The following PDE7B variants were observed in gnomAD, a reference collection of about 807,000 sequenced individuals.
PDE7B encodes the protein 3',5'-cyclic-AMP phosphodiesterase 7B.
In PDE7B, 29 loss-of-function variants were observed where a neutral mutation model predicts 56.2. The ratio of observed to expected loss-of-function variants is 0.52; its 90% CI spans 0.38 to 0.70. The LOEUF (loss-of-function observed/expected upper bound fraction) is 0.70, where lower values mean the gene tolerates loss of function less well. Ranked by LOEUF, PDE7B falls within the 30% of genes least tolerant of loss-of-function variation. The pLI, the probability that PDE7B is intolerant of heterozygous loss-of-function variation, is 0.00. For missense variants in PDE7B, 490 were observed against 565.0 expected (o/e 0.87, Z 1.35); for synonymous variants, 197 against 196.9 (o/e 1.00, Z 0.00).
intron 2 of PDE7B, chr6:136,093,973 T>A (rs1043348814): frequency 6.6e-6 from 1 of 152,254 alleles, no homozygotes; most frequent in African/African-American, 2.4e-5. Context: ...CCCTTCAGAC[T>A]GCTATAGCCA....
intron 1 of PDE7B, among the ~76,000 whole-genome samples, chr6:135,902,965 G>A (rs1446159314): frequency 6.6e-6 from 1 of 152,174 alleles, no homozygotes; most frequent in Non-Finnish European, 1.5e-5. Context: ...CAAAGTCACA[G>A]CACTGAGTAA....
At chr6:136,147,679 C>T (rs370464936) in intron 4 of PDE7B, among the ~76,000 whole-genome samples, 177 bp downstream of exon 4, 89 of 152,276 alleles carry the variant, frequency 5.8e-4, no homozygotes, top group African/African-American at 2.1e-3. Flanking sequence ...CAGAAACATC[C>T]CCCTTATGAG....
chr6:136,010,369 T>C (rs1775870489), intron 2 of PDE7B, among the ~76,000 whole-genome samples: 1 of 151,380 alleles, frequency 6.6e-6, no homozygotes, highest in South Asian at 2.1e-4. Context: ...AGGCATTGGA[T>C]GTCATCCCAT....
At chr6:135,970,695 T>C (rs1775079561) in intron 2 of PDE7B, among the ~76,000 whole-genome samples, 1 of 152,206 alleles carries the variant, frequency 6.6e-6, no homozygotes, top group African/African-American at 2.4e-5. Context: ...GCATAACTTA[T>C]ATTTTTAGAG....
chr6:136,008,843 A>G (rs866370767), intron 2 of PDE7B, among the ~76,000 whole-genome samples: 1 of 152,070 alleles, frequency 6.6e-6, no homozygotes, highest in African/African-American at 2.4e-5. Flanking sequence ...GTTTAATTAG[A>G]TCCCATTTGT....
At chr6:136,123,550 CA>C (rs1777974667) in intron 3 of PDE7B, among the ~76,000 whole-genome samples, 1 of 152,178 alleles carries the variant, frequency 6.6e-6, no homozygotes, top group South Asian at 2.1e-4. Context: ...TATTAAAGGA[CA>C]AGCAAGTTCT....
At chr6:136,106,295 T>C (rs1047902742) in intron 2 of PDE7B, among the ~76,000 whole-genome samples, 1 of 152,246 alleles carries the variant, frequency 6.6e-6, no homozygotes, top group African/African-American at 2.4e-5. Context: ...TGCTGTATTT[T>C]CTCAATTGAT....
At chr6:136,050,492 G>A (rs558155827) in intron 2 of PDE7B, among the ~76,000 whole-genome samples, 1 of 152,204 alleles carries the variant, frequency 6.6e-6, no homozygotes, top group South Asian at 2.1e-4. Context: ...ATAGATAGAG[G>A]TGGTAGCTGG....
chr6:136,062,512 T>C (rs1202868300), intron 2 of PDE7B, among the ~76,000 whole-genome samples: 1 of 152,234 alleles, frequency 6.6e-6, no homozygotes, highest in African/African-American at 2.4e-5. Context: ...CACCATGCTG[T>C]ACATTCAGTC....
At chr6:136,088,770 G>A (rs181420483) in intron 2 of PDE7B, among the ~76,000 whole-genome samples, 10 of 151,954 alleles carry the variant, frequency 6.6e-5, no homozygotes, top group African/African-American at 1.2e-4. Context: ...ATGGTTGCAC[G>A]TATTCTGGGA....
At chr6:135,952,866 G>A (rs933468741) in intron 2 of PDE7B, among the ~76,000 whole-genome samples, 1 of 152,160 alleles carries the variant, frequency 6.6e-6, no homozygotes, top group Non-Finnish European at 1.5e-5. Context: ...AGATAAAAGA[G>A]AGTTCTGGTC....
At chr6:136,170,844 C>T (rs946540924) in intron 8 of PDE7B, among the ~76,000 whole-genome samples, 10 of 152,130 alleles carry the variant, frequency 6.6e-5, no homozygotes, top group African/African-American at 1.9e-4. Flanking sequence ...TCCATGATAA[C>T]CCATTAATCC....
intron 1 of PDE7B, among the ~76,000 whole-genome samples, chr6:135,880,046 G>A (rs567202456): frequency 6.6e-6 from 1 of 152,276 alleles, no homozygotes; most frequent in African/African-American, 2.4e-5. Context: ...AGAAAAGTGA[G>A]CAAGCCATGA....
chr6:135,854,125 A>G (rs1338688434), intron 1 of PDE7B, among the ~76,000 whole-genome samples: 1 of 152,186 alleles, frequency 6.6e-6, no homozygotes, highest in African/African-American at 2.4e-5. Context: ...GTGGGAATGT[A>G]CCACCTGGAA....
intron 2 of PDE7B, chr6:136,043,852 CCTT>C (rs1252710129): frequency 6.6e-6 from 1 of 152,122 alleles, no homozygotes; most frequent in Non-Finnish European, 1.5e-5. Context: ...ATGTCTCAAC[CCTT>C]CTTCAAAATC....
chr6:136,042,228 C>G (rs1272755362), intron 2 of PDE7B, among the ~76,000 whole-genome samples: 1 of 152,090 alleles, frequency 6.6e-6, no homozygotes, highest in Non-Finnish European at 1.5e-5. Context: ...CAGCATGCAC[C>G]CATGTGGGGA....
intron 2 of PDE7B, among the ~76,000 whole-genome samples, chr6:136,098,657 T>C (rs562289950): frequency 3.7e-4 from 56 of 152,284 alleles, no homozygotes; most frequent in African/African-American, 1.3e-3. Context: ...CAAGTGAGAC[T>C]TCTCCTAGCT....
At chr6:136,035,683 G>T (rs1346159277) in intron 2 of PDE7B, among the ~76,000 whole-genome samples, 1 of 152,082 alleles carries the variant, frequency 6.6e-6, no homozygotes, top group Non-Finnish European at 1.5e-5. Context: ...GTGATGGCTT[G>T]GCCCTGACTC....
chr6:135,936,500 C>T (rs549848120), intron 1 of PDE7B, among the ~76,000 whole-genome samples: 19 of 152,258 alleles, frequency 1.2e-4, no homozygotes, highest in South Asian at 4.2e-4. Flanking sequence ...GACAAAAAGG[C>T]GCTTGTCCTG....
Sources: allele counts gnomAD v4.1 joint callset (sites outside exome capture counted in the v4.1 genomes callset), GRCh38; gene constraint gnomAD v4.1.1; transcripts MANE v1.5; gene names NCBI Gene and HGNC (gene_info 2026-07-23, HGNC 2026-07-21).